ASAP1: variants seen among roughly 807,000 people sequenced by gnomAD.
ASAP1 encodes the protein arf-GAP with SH3 domain, ANK repeat and PH domain-containing protein 1.
ASAP1 carries 43 observed loss-of-function variants against 145.2 expected under a neutral mutation model. The ratio of observed to expected loss-of-function variants is 0.30; its 90% CI spans 0.23 to 0.38. The LOEUF is 0.38. ASAP1 is among the 10% of genes least tolerant of loss of function. The pLI is 1.00. For synonymous variants in ASAP1, 546 were observed against 515.5 expected (o/e 1.06, Z -0.80); for missense variants, 1,018 against 1,355.3 (o/e 0.75, Z 3.91).
intron 3 of ASAP1, among the ~76,000 whole-genome samples, chr8:130,251,457 A>T (rs1305591008): frequency 3.9e-5 from 6 of 152,108 alleles, no homozygotes; most frequent in Non-Finnish European, 8.8e-5. Flanking sequence ...AATTAATTTT[A>T]AAAAACTGAA....
At chr8:130,201,792 A>C (rs1463718747) in intron 5 of ASAP1, among the ~76,000 whole-genome samples, 1 of 152,244 alleles carries the variant, frequency 6.6e-6, no homozygotes, top group Non-Finnish European at 1.5e-5. Flanking sequence ...ATTTCCACGC[A>C]TGGCATCTAC....
At chr8:130,242,758 A>G (rs573589671) in intron 3 of ASAP1, among the ~76,000 whole-genome samples, 1 of 152,152 alleles carries the variant, frequency 6.6e-6, no homozygotes, top group Non-Finnish European at 1.5e-5. Flanking sequence ...CAATGTGATC[A>G]TGAGTAGAGT....
chr8:130,101,495 A>G (rs2097528617), intron 24 of ASAP1, among the ~76,000 whole-genome samples: 2 of 151,334 alleles, frequency 1.3e-5, no homozygotes, highest in South Asian at 4.2e-4. Flanking sequence ...GAGCTCTTTC[A>G]CCTCCTTGGT....
chr8:130,442,493 A>T (rs61632449), intron 1 of ASAP1, among the ~76,000 whole-genome samples: 4,524 of 152,276 alleles, frequency 0.03, 223 homozygotes, highest in African/African-American at 0.098. Flanking sequence ...CAATACAGAT[A>T]ACCCTGGCCT....
intron 3 of ASAP1, among the ~76,000 whole-genome samples, chr8:130,250,446 C>T (rs946929073): frequency 2.6e-5 from 4 of 152,110 alleles, no homozygotes; most frequent in African/African-American, 9.7e-5. Flanking sequence ...AAGTATGGCG[C>T]ATGCTAAGCT....
chr8:130,206,985 G>GT (rs1400513182), intron 5 of ASAP1, among the ~76,000 whole-genome samples: 10 of 151,334 alleles, frequency 6.6e-5, no homozygotes, highest in Non-Finnish European at 2.9e-5. Flanking sequence ...CCTTTTCATG[G>GT]TTAAAAAAAA....
chr8:130,290,218 C>T (rs1395114461), intron 3 of ASAP1, among the ~76,000 whole-genome samples: 3 of 152,226 alleles, frequency 2.0e-5, no homozygotes, highest in Non-Finnish European at 4.4e-5. Flanking sequence ...CTGCACTTCT[C>T]TTAAGGCTCG....
At chr8:130,073,950 GGGATGGAATCTAGACT>G (rs1243883634) in intron 27 of ASAP1, among the ~76,000 whole-genome samples, 1 of 152,142 alleles carries the variant, frequency 6.6e-6, no homozygotes, top group African/African-American at 2.4e-5. Flanking sequence ...CAAACACGAG[GGGATGGAATCTAGACT>G]GGAGAAATCT....
intron 11 of ASAP1, among the ~76,000 whole-genome samples, chr8:130,160,456 T>C (rs1263564698): frequency 5.3e-5 from 8 of 152,238 alleles, no homozygotes; most frequent in Admixed American, 5.2e-4. Context: ...TTAACAATTA[T>C]TATGTCTCTC....
chr8:130,224,322 T>C (rs1363920120), intron 4 of ASAP1, among the ~76,000 whole-genome samples: 2 of 152,232 alleles, frequency 1.3e-5, no homozygotes, highest in Non-Finnish European at 2.9e-5. Context: ...TGACAAATTC[T>C]TTTTATATTA....
intron 18 of ASAP1, among the ~76,000 whole-genome samples, chr8:130,121,728 G>A (rs1046745102): frequency 2.4e-5 from 3 of 124,762 alleles, no homozygotes; most frequent in African/African-American, 5.8e-5. Context: ...AGGTTGCAGT[G>A]AGCAAAGATC....
At chr8:130,238,771 C>T (rs1424543846) in intron 3 of ASAP1, among the ~76,000 whole-genome samples, 2 of 151,954 alleles carry the variant, frequency 1.3e-5, no homozygotes, top group Non-Finnish European at 2.9e-5. Context: ...GTAACTTTCC[C>T]AAGGTCACAG....
chr8:130,355,383 C>CA (rs1251298109), intron 3 of ASAP1, among the ~76,000 whole-genome samples: 2 of 151,510 alleles, frequency 1.3e-5, no homozygotes, highest in Admixed American at 6.6e-5. Context: ...ATCTAAAGAG[C>CA]AAAAAAAGGT....
At chr8:130,214,046 TG>T (rs1368853776) in intron 5 of ASAP1, among the ~76,000 whole-genome samples, 2 of 152,190 alleles carry the variant, frequency 1.3e-5, no homozygotes, top group Non-Finnish European at 2.9e-5. Flanking sequence ...TTTTCTTGGT[TG>T]GGGGTTAAAA....
intron 13 of ASAP1, among the ~76,000 whole-genome samples, chr8:130,141,563 C>G (rs1200982354): frequency 6.6e-6 from 1 of 152,156 alleles, no homozygotes; most frequent in Non-Finnish European, 1.5e-5. Flanking sequence ...TAAGGACACA[C>G]ACATTTTTCT....
intron 3 of ASAP1, among the ~76,000 whole-genome samples, chr8:130,351,703 A>G (rs1826005223): frequency 6.6e-6 from 1 of 152,176 alleles, no homozygotes; most frequent in African/African-American, 2.4e-5. Flanking sequence ...GAACTAATTG[A>G]GCAAGAACTC....
At chr8:130,406,254 A>T (rs1829022484) in intron 1 of ASAP1, among the ~76,000 whole-genome samples, 1 of 123,732 alleles carries the variant, frequency 8.1e-6, no homozygotes, top group African/African-American at 3.5e-5. Flanking sequence ...ACTAATATTC[A>T]TTCATTCATT....
intron 2 of ASAP1, among the ~76,000 whole-genome samples, chr8:130,389,989 G>A (rs1323493651): frequency 6.6e-6 from 1 of 152,132 alleles, no homozygotes; most frequent in East Asian, 1.9e-4. Context: ...CTCAAACTAC[G>A]TCTGCATCAG....
intron 3 of ASAP1, among the ~76,000 whole-genome samples, chr8:130,313,800 A>G (rs577261895): frequency 4.6e-5 from 7 of 152,328 alleles, no homozygotes; most frequent in East Asian, 1.9e-4. Flanking sequence ...ATCAGTTCTG[A>G]TATTTTAACA....
Sources: allele counts gnomAD v4.1 joint callset (sites outside exome capture counted in the v4.1 genomes callset), GRCh38; gene constraint gnomAD v4.1.1; transcripts MANE v1.5; gene names NCBI Gene and HGNC (gene_info 2026-07-23, HGNC 2026-07-21).